Variants in THOC1 observed in about 807,000 individuals in gnomAD.
THOC1 encodes the protein THO complex subunit 1.
A neutral mutation model predicts 97.3 loss-of-function variants in THOC1; 29 were observed. The observed-to-expected ratio is 0.30, with a 90% CI of 0.22 to 0.41. THOC1 has a LOEUF of 0.41. Ranked by LOEUF, THOC1 falls within the 10% of genes least tolerant of loss-of-function variation. THOC1 has a pLI of 1.00. For synonymous variants in THOC1, 255 were observed against 257.0 expected (o/e 0.99, Z 0.07); for missense variants, 529 against 761.9 (o/e 0.69, Z 3.60).
chr18:216,685 C>T, intron 18 of THOC1, 52 bp from the exon 19 acceptor site: 1 of 1,575,738 alleles, frequency 6.3e-7, no homozygotes, highest in Non-Finnish European at 8.6e-7. Context: ...TTTCTGTATT[C>T]CCTTCTGCTC....
At chr18:256,532 A>C (rs1183468910) in intron 7 of THOC1, among the ~76,000 whole-genome samples, 2 of 152,218 alleles carry the variant, frequency 1.3e-5, no homozygotes, top group African/African-American at 2.4e-5. Flanking sequence ...TGAGCAAAGA[A>C]AGTGGTTTCT....
chr18:267,236 CAG>C (rs1237058151), intron 1 of THOC1, among the ~76,000 whole-genome samples: 4 of 152,088 alleles, frequency 2.6e-5, no homozygotes, highest in African/African-American at 7.2e-5. Flanking sequence ...ATAAAAAGAA[CAG>C]AGTGTCTAAA....
chr18:230,862 A>G (rs1269351250), intron 11 of THOC1, among the ~76,000 whole-genome samples: 2 of 152,192 alleles, frequency 1.3e-5, no homozygotes, highest in East Asian at 3.9e-4. Context: ...CAGCCTCCTG[A>G]GTAGCTAGGA....
intron 9 of THOC1, among the ~76,000 whole-genome samples, chr18:251,453 T>C (rs1237133103): frequency 1.3e-5 from 2 of 152,242 alleles, no homozygotes; most frequent in Non-Finnish European, 1.5e-5. Flanking sequence ...TTTTCCTTAA[T>C]GCCTTCTCTT....
In THOC1 at chr18:218,908, T is replaced by G; in HGVS notation, c.1432A>C (p.Asn478His). 1 of 1,603,726 alleles carries G rather than the reference T, an allele frequency of 6.2e-7. No individual in the cohort carries two copies. The highest frequency in any genetic ancestry group is 8.5e-7 in the Non-Finnish European group (1 of 1,174,284). The stretch of plus-strand genomic sequence containing the variant: ...TACTTATATTCATTTTCCACCATAT[T>G]TTCAGGGTCTGCCTGTTCAATGGCT... ...EEAIEQADPE[N>H]MVENEYKAVN... The change falls in exon 18 of 21, where the codon AAT becomes CAT. Residue 478 changes from asparagine to histidine, a missense_variant. Physicochemically the swap from Asn to His is moderately conservative, Grantham distance 68. This residue lies in a region of THOC1 where 123 missense variants were observed against 159.0 expected (regional missense o/e 0.77). Transcript: ENST00000261600.
chr18:263,902 G>GAATAAACTT, intron 4 of THOC1, 124 bp downstream of exon 4: 1 of 706,100 alleles, frequency 1.4e-6, no homozygotes, highest in Non-Finnish European at 2.3e-6. Context: ...AAAGTTGGGA[G>GAATAAACTT]TCAGGCAGAA....
At chr18:264,233 T>C (rs954415855) in intron 3 of THOC1, 141 bp from the exon 4 acceptor site, 2 of 620,816 alleles carry the variant, frequency 3.2e-6, no homozygotes, top group African/African-American at 3.7e-5. Flanking sequence ...CAATATTTTC[T>C]AATATGAAGT....
Position 242,708 on chromosome 18 carries a change from A to G in THOC1, c.918+3616T>C, listed in dbSNP as rs915135096. On this transcript the variant is annotated intron_variant, in intron 11 of 20. Coordinates refer to ENST00000261600, the MANE Select transcript of THOC1 (RefSeq NM_005131.3). This position sits in a 1 kb window ranked among gnomAD's most constrained non-coding sequence, Gnocchi z 4.5. ...TTAGATTTCACTTTAGCTAGCTCTT[A>G]CTGGCAAGGAATATGGCACCCATAT... is the stretch of plus-strand genomic sequence containing the variant. Among the ~76,000 whole-genome samples the G allele has an allele frequency of 6.6e-6, 1 of 152,206 alleles. No individual in the cohort carries two copies. The highest frequency in any genetic ancestry group is 1.5e-5 in the Non-Finnish European group (1 of 68,026).
intron 15 of THOC1, 34 bp downstream of exon 15, chr18:224,890 G>C (rs1265725041): frequency 6.6e-7 from 1 of 1,505,850 alleles, no homozygotes; most frequent in East Asian, 2.4e-5. Context: ...CTTGTGATGA[G>C]TATGTATTTA....
chr18:261,756 A>G (rs1185334640), intron 4 of THOC1, among the ~76,000 whole-genome samples: 2 of 152,242 alleles, frequency 1.3e-5, no homozygotes, highest in African/African-American at 4.8e-5. Flanking sequence ...ATAGCCTGGA[A>G]TAAGTTAACT....
chr18:219,692 T>A (rs1209004320), intron 17 of THOC1, among the ~76,000 whole-genome samples: 1 of 152,152 alleles, frequency 6.6e-6, no homozygotes, highest in Non-Finnish European at 1.5e-5. Flanking sequence ...TATACTTTAA[T>A]TACACACTAT....
At chr18:215,621 C>G in intron 19 of THOC1, 117 bp from the exon 20 acceptor site, 2 of 725,016 alleles carry the variant, frequency 2.8e-6, no homozygotes, top group Middle Eastern at 2.4e-4. Context: ...CAGAACCTCA[C>G]CCCTGAGAGC....
Position 261,279 on chromosome 18 carries a change from T to C in THOC1, c.257-975A>G, listed in dbSNP as rs73364391. On this transcript the variant is annotated intron_variant, in intron 4 of 20. Transcript: ENST00000261600. ...GGCAATGAGTACTTACTAACACTCA[T>C]AAGTGTTTAAGAAAAGTAGTCACTT... The C allele has an allele frequency of 4.7e-3, 714 of 152,306 alleles. 3 individuals are homozygous for C. Among genetic ancestry groups the C allele is most frequent in the African/African-American group, 0.016 (685 of 41,560 alleles). 9.4% of individuals were successfully genotyped at this position (152,306 alleles called of 1,614,324 possible). A position where few individuals can be genotyped will look rare whatever the true frequency, so the allele number is the denominator to read the frequency against.
chr18:240,955 T>C (rs1029998829), intron 11 of THOC1, among the ~76,000 whole-genome samples: 2 of 152,156 alleles, frequency 1.3e-5, no homozygotes, highest in East Asian at 1.9e-4. Context: ...AGATCCCTCA[T>C]GATCAGTTTA....
intron 10 of THOC1, among the ~76,000 whole-genome samples, chr18:247,013 A>AC (rs1308769724): frequency 2.0e-5 from 3 of 151,980 alleles, no homozygotes; most frequent in African/African-American, 7.2e-5. Flanking sequence ...ACAGAAATTT[A>AC]CCAGTGAAAT....
chr18:236,269 C>T (rs184195733), intron 11 of THOC1, among the ~76,000 whole-genome samples: 1 of 150,652 alleles, frequency 6.6e-6, no homozygotes, highest in East Asian at 2.0e-4. Context: ...TTTTAAGCTT[C>T]TTAGGTCTGC....
intron 11 of THOC1, among the ~76,000 whole-genome samples, chr18:232,794 G>A (rs567633987): frequency 6.7e-6 from 1 of 148,492 alleles, no homozygotes; most frequent in South Asian, 2.1e-4. Context: ...CTAAGTGTAT[G>A]GTTATCTCAT....
At chr18:223,096 T>G (rs1156477434) in intron 17 of THOC1, among the ~76,000 whole-genome samples, 1 of 152,156 alleles carries the variant, frequency 6.6e-6, no homozygotes, top group Non-Finnish European at 1.5e-5. Context: ...CTTGCCCATT[T>G]TGCAAGTTCA....
rs531945904 is a variant in THOC1 at position 242,338 on chromosome 18, C to T, written c.918+3986G>A. 3.3e-5 allele frequency among the ~76,000 whole-genome samples: 5 copies of T among 151,350 alleles called. No individual in the cohort carries two copies. The highest frequency in any genetic ancestry group is 6.6e-5 in the Admixed American group (1 of 15,160). ...ATTAAAAATACAAAAATTGGCCAGG[C>T]GTGGTGTTGGGCGCCTGTAATCCCA... On this transcript the variant is annotated intron_variant, in intron 11 of 20. Transcript: ENST00000261600. The surrounding 1 kb of genome is among the most constrained non-coding windows in gnomAD (Gnocchi z 4.5).
Sources: allele counts gnomAD v4.1 joint callset (sites outside exome capture counted in the v4.1 genomes callset), GRCh38; gene constraint gnomAD v4.1.1; regional missense constraint gnomAD v4.1.1; non-coding constraint Gnocchi (gnomAD v3.1); transcripts MANE v1.5; gene names NCBI Gene and HGNC (gene_info 2026-07-23, HGNC 2026-07-21).